RUNX2: variants seen among roughly 807,000 people sequenced by gnomAD.
RUNX2 encodes the protein RUNX family transcription factor 2.
In RUNX2, 10 loss-of-function variants were observed where a neutral mutation model predicts 51.7. The observed-to-expected ratio is 0.19, with a 90% CI of 0.12 to 0.33. The LOEUF is 0.33. Ranked by LOEUF, RUNX2 falls within the 10% of genes least tolerant of loss-of-function variation. The pLI is 1.00. For missense variants in RUNX2, 562 were observed against 691.3 expected (o/e 0.81, Z 2.10); for synonymous variants, 276 against 273.6 (o/e 1.01, Z -0.09).
intron 2 of RUNX2, among the ~76,000 whole-genome samples, chr6:45,392,718 T>A (rs1028272976): frequency 2.0e-5 from 3 of 151,972 alleles, no homozygotes; most frequent in African/African-American, 7.3e-5. Flanking sequence ...TTTTTTTTTT[T>A]TTTATATTTA....
intron 2 of RUNX2, among the ~76,000 whole-genome samples, chr6:45,375,215 A>G (rs1796614232): frequency 6.6e-6 from 1 of 152,238 alleles, no homozygotes; most frequent in African/African-American, 2.4e-5. Context: ...CTCAAAAATA[A>G]TAAAGTATTT....
chr6:45,545,090 T>C, intron 7 of RUNX2, 127 bp from the exon 8 acceptor site: 1 of 780,522 alleles, frequency 1.3e-6, no homozygotes, highest in Non-Finnish European at 2.2e-6. Context: ...GAAATACTAA[T>C]GAGGGATGGG....
chr6:45,470,103 G>T lies in RUNX2; in HGVS notation c.686-21838G>T, dbSNP rs371426879. Among the ~76,000 whole-genome samples the T allele has an allele frequency of 5.3e-5, 8 of 152,252 alleles. No individual in the cohort carries two copies. The East Asian group carries it at 5.8e-4, about 11-fold the overall frequency. On this transcript the variant is annotated intron_variant, in intron 5 of 8. Coordinates refer to ENST00000647337, the MANE Select transcript of RUNX2 (RefSeq NM_001024630.4). ...CTGGCAATGTGTAGTTTTCATGGTT[G>T]TGTTTTCATTTATTAAATAATTAGT...
chr6:45,403,642 T>C (rs954666230), intron 2 of RUNX2, among the ~76,000 whole-genome samples: 8 of 152,190 alleles, frequency 5.3e-5, no homozygotes, highest in African/African-American at 1.9e-4. Flanking sequence ...CATATCTTCA[T>C]TTACTTGTAT....
At chr6:45,328,919 T>C in intron 2 of RUNX2, 135 bp downstream of exon 2, 2 of 948,110 alleles carry the variant, frequency 2.1e-6, no homozygotes, top group South Asian at 1.4e-5. Flanking sequence ...GCATTAAGAA[T>C]TGAAAAATGA....
chr6:45,543,403 T>G (rs1179058240), intron 7 of RUNX2, among the ~76,000 whole-genome samples: 2 of 152,212 alleles, frequency 1.3e-5, no homozygotes, highest in African/African-American at 4.8e-5. Context: ...GTGCAAGTTG[T>G]TCCTTGCTAT....
intron 2 of RUNX2, among the ~76,000 whole-genome samples, chr6:45,387,343 A>T (rs1797371863): frequency 6.6e-6 from 1 of 152,216 alleles, no homozygotes; most frequent in Non-Finnish European, 1.5e-5. Flanking sequence ...ATGTAGTTCA[A>T]GAGAGTGGCT....
At chr6:45,474,373 ATG>A (rs56719456) in intron 5 of RUNX2, among the ~76,000 whole-genome samples, 39,951 of 149,110 alleles carry the variant, frequency 0.27, 5,465 homozygotes, top group African/African-American at 0.35. Context: ...TGTTTTATAT[ATG>A]TGTGTGTGTG....
chr6:45,486,640 C>T (rs575502788), intron 5 of RUNX2, among the ~76,000 whole-genome samples: 4 of 152,222 alleles, frequency 2.6e-5, no homozygotes, highest in African/African-American at 9.6e-5. Flanking sequence ...CATCACATGG[C>T]ACACTCTTCA....
intron 2 of RUNX2, among the ~76,000 whole-genome samples, chr6:45,407,076 C>T (rs1364750228): frequency 6.6e-6 from 1 of 152,170 alleles, no homozygotes; most frequent in East Asian, 1.9e-4. Flanking sequence ...GAGGTAAACA[C>T]AATCTTGAAT....
chr6:45,375,903 T>G (rs921401125), intron 2 of RUNX2, among the ~76,000 whole-genome samples: 5 of 152,072 alleles, frequency 3.3e-5, no homozygotes, highest in Non-Finnish European at 7.4e-5. Context: ...CACTTATCTC[T>G]CCAAAAGATT....
At chr6:45,437,170 A>C (rs1408661979) in intron 4 of RUNX2, among the ~76,000 whole-genome samples, 1 of 152,220 alleles carries the variant, frequency 6.6e-6, no homozygotes, top group Non-Finnish European at 1.5e-5. Flanking sequence ...CTTTTAGCTC[A>C]TTAATTTGAA....
rs147930363 is a variant in RUNX2, at chr6:45,492,210, C to A, written c.859+96C>A. On this transcript the variant is annotated intron_variant, in intron 6 of 8. Coordinates refer to ENST00000647337, the MANE Select transcript of RUNX2 (RefSeq NM_001024630.4). ...TGTGTTCACTTCAAAACTCCTGGAGCTGTGAAGCGGCTTATTATTAAAGAA... is the reference window on the plus strand; with the variant it reads ...TGTGTTCACTTCAAAACTCCTGGAGATGTGAAGCGGCTTATTATTAAAGAA... 668 of 1,162,236 alleles carry A rather than the reference C, an allele frequency of 5.7e-4. 5 individuals carry two copies. In the African/African-American group the frequency reaches 9.4e-3, roughly 16 times the overall value. 72.0% of individuals were successfully genotyped at this position (1,162,236 alleles called of 1,614,324 possible).
At chr6:45,404,842 C>A (rs114156206) in intron 2 of RUNX2, among the ~76,000 whole-genome samples, 2 of 152,214 alleles carry the variant, frequency 1.3e-5, no homozygotes, top group African/African-American at 4.8e-5. Flanking sequence ...TATAGCCATA[C>A]GGTCAGATAG....
At chr6:45,353,790 T>A (rs1036076757) in intron 2 of RUNX2, among the ~76,000 whole-genome samples, 3 of 151,906 alleles carry the variant, frequency 2.0e-5, no homozygotes, top group African/African-American at 4.8e-5. Context: ...TTTTTTTTTT[T>A]AATCACTATA....
chr6:45,436,473 G>C (rs951940119), intron 4 of RUNX2, among the ~76,000 whole-genome samples: 3 of 152,110 alleles, frequency 2.0e-5, no homozygotes, highest in Admixed American at 6.5e-5. Flanking sequence ...GAGATAATGT[G>C]TATGAAGTGG....
At chr6:45,525,224 G>A (rs914234049) in intron 7 of RUNX2, among the ~76,000 whole-genome samples, 2 of 152,188 alleles carry the variant, frequency 1.3e-5, no homozygotes, top group Non-Finnish European at 2.9e-5. Context: ...ATTGGCAGGT[G>A]CCACAGATAC....
chr6:45,422,253 A>G, intron 2 of RUNX2: 1 of 289,870 alleles, frequency 3.4e-6, no homozygotes. Context: ...CTGCAAACTC[A>G]AGTCCCCCGC....
In RUNX2 at chr6:45,510,077, G is replaced by A. The variant is rs16873445; in HGVS notation, c.860-2169G>A. ...TTTTTCCATCTGAAGATCATTTACC[G>A]TTTCTCTGAATACTGAATTACATTA... On this transcript the variant is annotated intron_variant, in intron 6 of 8. Transcript: ENST00000647337. 8.2e-3 allele frequency among the ~76,000 whole-genome samples: 1,245 copies of A among 152,258 alleles called. 18 individuals are homozygous for A. Among genetic ancestry groups the A allele is most frequent in the African/African-American group, 0.028 (1,167 of 41,542 alleles).
Sources: gnomAD v4.1 joint callset for allele counts (sites outside exome capture counted in the v4.1 genomes callset) on GRCh38, gnomAD v4.1.1 for gene constraint, MANE v1.5 for transcripts, NCBI Gene and HGNC (gene_info 2026-07-23, HGNC 2026-07-21) for gene names.